Variants in GRID2 observed in about 807,000 individuals in gnomAD.
The protein encoded by GRID2 is glutamate ionotropic receptor delta type subunit 2, also known as glutamate receptor ionotropic, delta-2.
In GRID2, 33 loss-of-function variants were observed where a neutral mutation model predicts 114.8. The observed-to-expected ratio is 0.29, with a 90% CI of 0.22 to 0.38. The LOEUF (loss-of-function observed/expected upper bound fraction) is 0.38, where lower values mean the gene tolerates loss of function less well. Ranked by LOEUF, GRID2 falls within the 10% of genes least tolerant of loss-of-function variation. GRID2 has a pLI of 1.00. For synonymous variants in GRID2, 505 were observed against 449.9 expected (o/e 1.12, Z -1.55); for missense variants, 1,184 against 1,257.7 (o/e 0.94, Z 0.89).
intron 1 of GRID2, among the ~76,000 whole-genome samples, chr4:92,558,522 G>T (rs762138154): frequency 6.6e-6 from 1 of 151,962 alleles, no homozygotes; most frequent in African/African-American, 2.4e-5. Context: ...TCACTCTACC[G>T]TCCATTCTTT....
At chr4:93,637,881 T>A (rs1721556316) in intron 14 of GRID2, among the ~76,000 whole-genome samples, 1 of 152,192 alleles carries the variant, frequency 6.6e-6, no homozygotes, top group African/African-American at 2.4e-5. Flanking sequence ...CATTTCATAG[T>A]TCTTTGAGCA....
rs879631377 is a variant in GRID2, at chr4:93,748,819, C to CT, written c.2361-20380dup. Among the ~76,000 whole-genome samples, 72 of 145,266 alleles carry CT rather than the reference C, an allele frequency of 5.0e-4. 1 individual carries two copies. The highest frequency in any genetic ancestry group is 1.8e-3 in the East Asian group (9 of 5,028). ...GAGGAGTACTGAATTACTTTTCTTG[C>CT]TTTTTTTTTTTATGTTAAGGAACAA... On this transcript the variant is annotated intron_variant, in intron 14 of 15. Transcript: ENST00000282020.
At chr4:92,960,546 C>A (rs553193172) in intron 2 of GRID2, among the ~76,000 whole-genome samples, 1 of 151,936 alleles carries the variant, frequency 6.6e-6, no homozygotes, top group Non-Finnish European at 1.5e-5. Flanking sequence ...CTTGCTCTGA[C>A]GTCGGCTCTG....
intron 1 of GRID2, among the ~76,000 whole-genome samples, chr4:92,557,822 T>C (rs1726930577): frequency 6.6e-6 from 1 of 152,112 alleles, no homozygotes; most frequent in South Asian, 2.1e-4. Flanking sequence ...GGCTGAAGGC[T>C]ACACCTAAGT....
At chr4:92,478,287 T>C (rs747274855) in intron 1 of GRID2, among the ~76,000 whole-genome samples, 7 of 152,132 alleles carry the variant, frequency 4.6e-5, no homozygotes, top group Non-Finnish European at 1.0e-4. Context: ...CTTAGTCTGA[T>C]TGTTTGGAAG....
intron 14 of GRID2, among the ~76,000 whole-genome samples, chr4:93,637,083 A>G (rs1219320512): frequency 6.6e-6 from 1 of 152,202 alleles, no homozygotes; most frequent in Admixed American, 6.5e-5. Flanking sequence ...AAACATAACT[A>G]GAACATCTGT....
Position 92,505,524 on chromosome 4 carries a change from T to A in GRID2, c.89-84607T>A, listed in dbSNP as rs1038680097. Among the ~76,000 whole-genome samples the A allele has an allele frequency of 2.0e-5, 3 of 152,166 alleles. No individual in the cohort carries two copies. The South Asian group carries it at 6.2e-4, about 32-fold the overall frequency. ...AATTTTGCACAGTCAATGGTCATGA[T>A]GCCCACGGGTTAGTGTTGTAATAGA... On this transcript the variant is annotated intron_variant, in intron 1 of 15. Coordinates refer to ENST00000282020, the MANE Select transcript of GRID2 (RefSeq NM_001510.4).
chr4:92,929,800 A>C (rs1750088076), intron 2 of GRID2, among the ~76,000 whole-genome samples: 1 of 151,368 alleles, frequency 6.6e-6, no homozygotes, highest in Non-Finnish European at 1.5e-5. Context: ...TTCCATGTGT[A>C]AAATGATATT....
At chr4:92,815,672 G>A (rs935255868) in intron 2 of GRID2, among the ~76,000 whole-genome samples, 3 of 151,828 alleles carry the variant, frequency 2.0e-5, no homozygotes, top group African/African-American at 7.3e-5. Flanking sequence ...CAATACTTTG[G>A]GAGGCTGAGG....
In GRID2 at chr4:93,528,082, T is replaced by C. The variant is rs1435275197; in HGVS notation, c.2193+12671T>C. Among the ~76,000 whole-genome samples, 3 of 152,038 alleles carry C rather than the reference T, an allele frequency of 2.0e-5. No homozygotes were observed. The East Asian group carries it at 5.8e-4, about 29-fold the overall frequency. ...TAAATAATATTCTGTTGTGTATATG[T>C]GTATGTGTATATATGTGTATATATG... is the stretch of plus-strand genomic sequence containing the variant. On this transcript the variant is annotated intron_variant, in intron 13 of 15. Coordinates refer to ENST00000282020, the MANE Select transcript of GRID2 (RefSeq NM_001510.4).
At chr4:92,842,831 A>G (rs1578284439) in intron 2 of GRID2, among the ~76,000 whole-genome samples, 2 of 152,288 alleles carry the variant, frequency 1.3e-5, no homozygotes, top group East Asian at 3.9e-4. Flanking sequence ...ATGAGTATCT[A>G]AAGATCTGAG....
intron 1 of GRID2, among the ~76,000 whole-genome samples, chr4:92,357,180 A>G (rs533208898): frequency 6.6e-6 from 1 of 151,992 alleles, no homozygotes; most frequent in African/African-American, 2.4e-5. Flanking sequence ...TTTTAAATGA[A>G]TTATACCTAA....
intron 1 of GRID2, among the ~76,000 whole-genome samples, chr4:92,556,215 T>C (rs1336739504): frequency 1.3e-5 from 2 of 152,126 alleles, no homozygotes; most frequent in Non-Finnish European, 2.9e-5. Flanking sequence ...AAGTTCCCTA[T>C]AGAAGCTAAG....
At chr4:92,901,780 T>C (rs1043385829) in intron 2 of GRID2, among the ~76,000 whole-genome samples, 2 of 152,058 alleles carry the variant, frequency 1.3e-5, no homozygotes, top group Admixed American at 6.6e-5. Flanking sequence ...GTTGAGGATA[T>C]TTGCATGTAT....
chr4:92,911,309 G>C (rs1274095722), intron 2 of GRID2, among the ~76,000 whole-genome samples: 2 of 151,912 alleles, frequency 1.3e-5, no homozygotes, highest in African/African-American at 4.8e-5. Flanking sequence ...ATTTCATACA[G>C]GTATTGACAT....
At chr4:93,070,359 C>G (rs986048251) in intron 2 of GRID2, among the ~76,000 whole-genome samples, 18 of 152,130 alleles carry the variant, frequency 1.2e-4, no homozygotes, top group African/African-American at 3.9e-4. Context: ...AATAGAAATG[C>G]TTCTGCTACT....
At chr4:92,548,401 A>ATATTTTTTTTTTTTTT (rs1726385371) in intron 1 of GRID2, among the ~76,000 whole-genome samples, 1 of 60,808 alleles carries the variant, frequency 1.6e-5, no homozygotes, top group Non-Finnish European at 2.7e-5. Context: ...AGACTGTGTA[A>ATATTTTTTTTTTTTTT]TTTTTTTTTT....
At chr4:93,601,561 A>C (rs1739687024) in intron 13 of GRID2, among the ~76,000 whole-genome samples, 1 of 152,232 alleles carries the variant, frequency 6.6e-6, no homozygotes, top group Non-Finnish European at 1.5e-5. Flanking sequence ...AAGTTCAGCC[A>C]TGAAAAAGAT....
At chr4:92,638,164 A>C (rs1731163162) in intron 2 of GRID2, among the ~76,000 whole-genome samples, 1 of 151,732 alleles carries the variant, frequency 6.6e-6, no homozygotes, top group Admixed American at 6.6e-5. Context: ...AATTTATAGA[A>C]TAGGGGGATT....
Sources: gnomAD v4.1 joint callset for allele counts (sites outside exome capture counted in the v4.1 genomes callset) on GRCh38, gnomAD v4.1.1 for gene constraint, MANE v1.5 for transcripts, NCBI Gene and HGNC (gene_info 2026-07-23, HGNC 2026-07-21) for gene names.